MTA3: variants seen among roughly 807,000 people sequenced by gnomAD.
MTA3 encodes metastasis-associated protein MTA3.
In MTA3, 34 loss-of-function variants were observed where a neutral mutation model predicts 83.5. The observed-to-expected ratio is 0.41, with a 90% CI of 0.31 to 0.54. The LOEUF (loss-of-function observed/expected upper bound fraction) is 0.54, where lower values mean the gene tolerates loss of function less well. Among genes scored for constraint, MTA3 ranks in the 20% least tolerant of loss-of-function variants. The pLI, the probability that MTA3 is intolerant of heterozygous loss-of-function variation, is 0.33. For missense variants in MTA3, 761 were observed against 726.4 expected, an observed-to-expected ratio of 1.05 and a Z score of -0.55; for synonymous variants, 303 against 252.7, an observed-to-expected ratio of 1.20 and a Z score of -1.89.
chr2:42,701,806 G>T (rs562574810), intron 11 of MTA3, among the ~76,000 whole-genome samples: 1 of 151,534 alleles, frequency 6.6e-6, no homozygotes, highest in African/African-American at 2.4e-5. Context: ...CCAGCTACTT[G>T]GGAGGCTGAG....
At chr2:42,594,262 TTTTA>T (rs1401886638) in intron 3 of MTA3, among the ~76,000 whole-genome samples, 2,005 of 122,716 alleles carry the variant, frequency 0.016, 26 homozygotes, top group South Asian at 0.032. Context: ...TTTTTTTTTT[TTTTA>T]AAAGACAGTC....
At chr2:42,701,287 G>T (rs1203237758) in intron 11 of MTA3, among the ~76,000 whole-genome samples, 1 of 69,026 alleles carries the variant, frequency 1.4e-5, no homozygotes, top group Non-Finnish European at 2.4e-5. Flanking sequence ...GGGTGACCCT[G>T]CCTCAAAAAA....
chr2:42,606,426 G>T (rs563674567), intron 3 of MTA3, among the ~76,000 whole-genome samples: 1 of 151,516 alleles, frequency 6.6e-6, no homozygotes, highest in Non-Finnish European at 1.5e-5. Flanking sequence ...CAGACGGGGC[G>T]GCGGGGCAGA....
chr2:42,615,985 G>A (rs1684831325), intron 4 of MTA3, among the ~76,000 whole-genome samples: 1 of 152,050 alleles, frequency 6.6e-6, no homozygotes, highest in Non-Finnish European at 1.5e-5. Flanking sequence ...CTCCCAAAGT[G>A]CTGGGATTAC....
chr2:42,633,148 A>T (rs927403707), intron 4 of MTA3, among the ~76,000 whole-genome samples: 5 of 152,070 alleles, frequency 3.3e-5, no homozygotes, highest in African/African-American at 9.6e-5. Context: ...CTGTAGTCCT[A>T]GCTACTCGGG....
At chr2:42,525,479 C>CTTCCTTCCTTCCTTCT (rs1553337624) in intron 2 of MTA3, among the ~76,000 whole-genome samples, 2 of 146,398 alleles carry the variant, frequency 1.4e-5, no homozygotes, top group East Asian at 4.2e-4. Context: ...GGATCAATTC[C>CTTCCTTCCTTCCTTCT]TTCCTTCCTT....
In MTA3 at chr2:42,749,957, T is replaced by G. The variant is rs116312212; in HGVS notation, c.1760-3417T>G. On this transcript the variant is annotated intron_variant, in intron 16 of 16. Coordinates refer to ENST00000405094, the MANE Select transcript of MTA3 (RefSeq NM_001330442.2). ...CATAGATACTGTATTTTTTCTTCCC[T>G]GAGGATATTAATGATAGTGGCTTTT... Among the ~76,000 whole-genome samples, 265 of 152,258 alleles carry G rather than the reference T, an allele frequency of 1.7e-3. 2 individuals carry two copies. Among genetic ancestry groups the G allele is most frequent in the African/African-American group, 6.0e-3 (251 of 41,546 alleles).
rs1277928358 is a variant in MTA3 at position 42,606,672 on chromosome 2, C to T, written c.191-2786C>T. Among the ~76,000 whole-genome samples the T allele has an allele frequency of 2.0e-4, 30 of 151,214 alleles. No homozygotes were observed. In the East Asian group the frequency reaches 5.9e-3, roughly 29 times the overall value. On this transcript the variant is annotated intron_variant, in intron 3 of 16. Transcript: ENST00000405094. ...GCAGAGACACTCCTCACTTCCCAGACGGGGTGGCGGCTGGGCAGAGGCTGC... is the reference window on the plus strand; with the variant it reads ...GCAGAGACACTCCTCACTTCCCAGATGGGGTGGCGGCTGGGCAGAGGCTGC...
At position 42,753,735 on chromosome 2, in the gene MTA3, C is replaced by T; in HGVS notation, c.*336C>T. On this transcript the variant is annotated 3_prime_UTR_variant, in exon 17 of 17. Transcript: ENST00000405094. ...CCACCCAGCAACAGCGGCCACTTGG[C>T]AGTGGGGCTGCTGCAAGCTCAGAGC... The T allele has an allele frequency of 8.6e-7, 1 of 1,165,472 alleles. No individual in the cohort carries two copies. The highest frequency in any genetic ancestry group is 1.1e-6 in the Non-Finnish European group (1 of 937,476). 72.2% of individuals were successfully genotyped at this position (1,165,472 alleles called of 1,614,324 possible).
At chr2:42,723,292 AT>A (rs1223428330) in intron 16 of MTA3, 9 of 441,302 alleles carry the variant, frequency 2.0e-5, no homozygotes, top group South Asian at 6.3e-5. Context: ...TATTTAGCAG[AT>A]TGCTTCTGCT....
At chr2:42,729,071 A>G (rs1224780208) in intron 16 of MTA3, among the ~76,000 whole-genome samples, 1 of 75,170 alleles carries the variant, frequency 1.3e-5, no homozygotes, top group South Asian at 4.4e-4. Context: ...TTCTTTTATT[A>G]GTTTCACAGT....
rs560082027 is a variant in MTA3, at chr2:42,515,863, G to A, written c.-141+20609G>A. 1.7e-4 allele frequency among the ~76,000 whole-genome samples: 23 copies of A among 137,900 alleles called. No individual in the cohort carries two copies. The East Asian group carries it at 4.3e-3, about 26-fold the overall frequency. 90.5% of individuals were successfully genotyped at this position (137,900 alleles called of 152,430 possible). A position where few individuals can be genotyped will look rare whatever the true frequency, so the allele number is the denominator to read the frequency against. ...TGTATTTTTTTTTTTTTTGAGACAA[G>A]AGTCTCGCTCTGTCATTCCCAGGCT... On this transcript the variant is annotated intron_variant, in intron 2 of 17. Transcript: ENST00000405592.
chr2:42,718,980 C>T lies in MTA3; in HGVS notation c.1526-8C>T. The T allele has an allele frequency of 5.8e-6, 9 of 1,546,524 alleles. No homozygotes were observed. The highest frequency in any genetic ancestry group is 7.0e-6 in the Non-Finnish European group (8 of 1,143,544). ...ATTGGTTATCTCCATGTTTCTTTCT[C>T]TCCTCAGATGCAGACAGACATGCTG... On this transcript the variant is annotated splice_polypyrimidine_tract_variant and splice_region_variant and intron_variant, in intron 14 of 16. Transcript: ENST00000405094.
chr2:42,611,874 T>C (rs1385892507), intron 4 of MTA3, among the ~76,000 whole-genome samples: 2 of 152,172 alleles, frequency 1.3e-5, no homozygotes, highest in African/African-American at 4.8e-5. Flanking sequence ...TGGAGCTGGC[T>C]GTGTTGCCCA....
chr2:42,650,375 A>T (rs1050957925), intron 6 of MTA3, among the ~76,000 whole-genome samples: 4 of 152,212 alleles, frequency 2.6e-5, no homozygotes, highest in Admixed American at 2.6e-4. Context: ...ACATTTTCAA[A>T]TATAAATGAT....
intron 13 of MTA3, among the ~76,000 whole-genome samples, 149 bp from the exon 14 acceptor site, chr2:42,708,713 GCACACTTTAATT>G (rs1167394355): frequency 6.6e-6 from 1 of 152,106 alleles, no homozygotes; most frequent in Admixed American, 6.5e-5. Flanking sequence ...TCCCAAAAGT[GCACACTTTAATT>G]CTCTCTTTTA....
chr2:42,656,623 C>T (rs1051616011), intron 7 of MTA3, among the ~76,000 whole-genome samples: 1 of 152,106 alleles, frequency 6.6e-6, no homozygotes, highest in African/African-American at 2.4e-5. Context: ...TAGCTTTACT[C>T]TAGACATGGA....
Position 42,518,717 on chromosome 2 carries a change from C to T in MTA3, c.-141+23463C>T, listed in dbSNP as rs145732309. ...ATAGGCCAGGTGTGGTGGCTTACTC[C>T]TGTAATCCCAACACTTTGGGAGGCT... On this transcript the variant is annotated intron_variant, in intron 2 of 17. Coordinates refer to the MTA3 transcript ENST00000405592. 1.8e-3 allele frequency among the ~76,000 whole-genome samples: 269 copies of T among 152,108 alleles called. 2 individuals carry two copies. Among genetic ancestry groups the T allele is most frequent in the African/African-American group, 6.1e-3 (254 of 41,504 alleles).
chr2:42,515,231 G>A (rs1379449731), intron 2 of MTA3, among the ~76,000 whole-genome samples: 4 of 151,730 alleles, frequency 2.6e-5, no homozygotes, highest in Non-Finnish European at 4.4e-5. Context: ...GCTAATTTTT[G>A]TATTTTTAGT....
Sources: gnomAD v4.1 joint callset for allele counts (sites outside exome capture counted in the v4.1 genomes callset) on GRCh38, gnomAD v4.1.1 for gene constraint, MANE v1.5 for transcripts, NCBI Gene and HGNC (gene_info 2026-07-23, HGNC 2026-07-21) for gene names.